The following KLHL1 variants were observed in gnomAD, a reference collection of about 807,000 sequenced individuals.
KLHL1 encodes kelch-like protein 1.
Under a neutral mutation model 77.7 loss-of-function variants are expected in KLHL1, and 47 were observed. The observed-to-expected ratio is 0.60, with a 90% CI of 0.48 to 0.77. The LOEUF is 0.77. Ranked by LOEUF, KLHL1 falls within the 30% of genes least tolerant of loss-of-function variation. The pLI is 0.00. For synonymous variants in KLHL1, 360 were observed against 325.2 expected, an observed-to-expected ratio of 1.11 and a Z score of -1.15; for missense variants, 925 against 910.8, an observed-to-expected ratio of 1.02 and a Z score of -0.20.
chr13:69,791,662 G>A (rs1876879689), intron 7 of KLHL1, among the ~76,000 whole-genome samples: 1 of 152,010 alleles, frequency 6.6e-6, no homozygotes, highest in African/African-American at 2.4e-5. Flanking sequence ...TTTGACAAGG[G>A]TGCCAAGAAT....
intron 1 of KLHL1, among the ~76,000 whole-genome samples, chr13:70,104,305 T>C (rs1887994774): frequency 6.6e-6 from 1 of 152,102 alleles, no homozygotes; most frequent in South Asian, 2.1e-4. Flanking sequence ...GGGATGCAGG[T>C]AGTGAGCATT....
intron 7 of KLHL1, among the ~76,000 whole-genome samples, chr13:69,755,335 T>G (rs554404943): frequency 6.6e-6 from 1 of 152,012 alleles, no homozygotes; most frequent in South Asian, 2.1e-4. Flanking sequence ...GAGGCTTCAC[T>G]AAAAGGTTTG....
At chr13:70,000,493 T>C (rs1014218913) in intron 1 of KLHL1, among the ~76,000 whole-genome samples, 1 of 151,978 alleles carries the variant, frequency 6.6e-6, no homozygotes, top group African/African-American at 2.4e-5. Flanking sequence ...TTACTAAATA[T>C]ATAGAGAACT....
chr13:69,980,193 C>T (rs1395141954), intron 1 of KLHL1, among the ~76,000 whole-genome samples: 1 of 152,212 alleles, frequency 6.6e-6, no homozygotes, highest in Admixed American at 6.5e-5. Flanking sequence ...TGTTAAACAA[C>T]ATCGGAATCC....
At chr13:69,723,929 C>T (rs1873184155) in intron 8 of KLHL1, among the ~76,000 whole-genome samples, 2 of 151,476 alleles carry the variant, frequency 1.3e-5, no homozygotes, top group Admixed American at 6.6e-5. Flanking sequence ...CCTCTGCCTC[C>T]CGGGTTCAAG....
At chr13:69,977,363 T>C (rs953618096) in intron 1 of KLHL1, among the ~76,000 whole-genome samples, 4 of 151,028 alleles carry the variant, frequency 2.6e-5, no homozygotes, top group African/African-American at 9.8e-5. Flanking sequence ...TGGAAACAAA[T>C]AAGGCAATAC....
intron 5 of KLHL1, among the ~76,000 whole-genome samples, chr13:69,863,869 G>C (rs1256912939): frequency 6.6e-6 from 1 of 151,838 alleles, no homozygotes; most frequent in East Asian, 1.9e-4. Context: ...AATTTATTTA[G>C]GCTGATATTC....
intron 4 of KLHL1, among the ~76,000 whole-genome samples, chr13:69,887,326 A>C (rs1881256457): frequency 6.6e-6 from 1 of 152,192 alleles, no homozygotes; most frequent in Non-Finnish European, 1.5e-5. Context: ...TGTAGGCCAC[A>C]GTGGCTGTTT....
intron 1 of KLHL1, among the ~76,000 whole-genome samples, chr13:70,040,955 A>G (rs1021992864): frequency 6.6e-6 from 1 of 152,050 alleles, no homozygotes; most frequent in Non-Finnish European, 1.5e-5. Flanking sequence ...TGTTTTACAG[A>G]TTGGGTGACT....
intron 5 of KLHL1, among the ~76,000 whole-genome samples, chr13:69,854,791 AT>A (rs1231486470): frequency 6.6e-6 from 1 of 151,986 alleles, no homozygotes; most frequent in African/African-American, 2.4e-5. Flanking sequence ...AAAGTGATCC[AT>A]TTTTACCACA....
chr13:69,771,210 T>C (rs762714527), intron 7 of KLHL1, among the ~76,000 whole-genome samples: 7 of 152,060 alleles, frequency 4.6e-5, no homozygotes, highest in Non-Finnish European at 8.8e-5. Flanking sequence ...TTGCAGACTT[T>C]TGTTCTGTGT....
At chr13:69,915,929 C>T (rs1349043232) in intron 4 of KLHL1, among the ~76,000 whole-genome samples, 4 of 152,086 alleles carry the variant, frequency 2.6e-5, no homozygotes, top group Non-Finnish European at 5.9e-5. Flanking sequence ...AAAAAGTGGG[C>T]AAAGGATATG....
At chr13:70,078,013 T>G (rs1887304171) in intron 1 of KLHL1, among the ~76,000 whole-genome samples, 3 of 152,018 alleles carry the variant, frequency 2.0e-5, no homozygotes, top group Admixed American at 6.6e-5. Context: ...TGGAAAATAT[T>G]CTATTAACCT....
intron 1 of KLHL1, among the ~76,000 whole-genome samples, chr13:70,090,521 A>G (rs1887647636): frequency 6.6e-6 from 1 of 151,974 alleles, no homozygotes; most frequent in Admixed American, 6.6e-5. Context: ...TTGACAGGTC[A>G]TTATCCTCTG....
chr13:69,792,394 A>T (rs1876910657), intron 7 of KLHL1, among the ~76,000 whole-genome samples: 1 of 152,180 alleles, frequency 6.6e-6, no homozygotes, highest in African/African-American at 2.4e-5. Flanking sequence ...TTATTTAAAT[A>T]AAATCACAAT....
chr13:69,886,378 GTT>G (rs67311577), intron 4 of KLHL1, among the ~76,000 whole-genome samples: 10 of 150,454 alleles, frequency 6.6e-5, no homozygotes, highest in East Asian at 5.9e-4. Flanking sequence ...TTTTGCACCA[GTT>G]TTTTTTTTGT....
At chr13:69,763,930 A>AT (rs200204787) in intron 7 of KLHL1, among the ~76,000 whole-genome samples, 43 of 151,474 alleles carry the variant, frequency 2.8e-4, no homozygotes, top group Middle Eastern at 3.4e-3. Context: ...TGAAGTAACC[A>AT]TTTTTTTTTC....
chr13:69,760,705 T>G (rs1874979402), intron 7 of KLHL1, among the ~76,000 whole-genome samples: 1 of 152,088 alleles, frequency 6.6e-6, no homozygotes, highest in Non-Finnish European at 1.5e-5. Flanking sequence ...TTTATCTGCT[T>G]TTTATAAAGA....
intron 1 of KLHL1, among the ~76,000 whole-genome samples, chr13:70,103,564 G>A (rs577519549): frequency 6.6e-6 from 1 of 152,224 alleles, no homozygotes; most frequent in African/African-American, 2.4e-5. Flanking sequence ...TGCAAAACTA[G>A]AGTTGAAAGA....
Sources: gnomAD v4.1 joint callset for allele counts (sites outside exome capture counted in the v4.1 genomes callset) on GRCh38, gnomAD v4.1.1 for gene constraint, MANE v1.5 for transcripts, NCBI Gene and HGNC (gene_info 2026-07-23, HGNC 2026-07-21) for gene names.